The following TTC6 variants were observed in gnomAD, a reference collection of about 807,000 sequenced individuals.
The protein encoded by TTC6 is tetratricopeptide repeat protein 6.
Under a neutral mutation model 210.4 loss-of-function variants are expected in TTC6, and 172 were observed. The observed-to-expected ratio is 0.82, with a 90% CI of 0.72 to 0.93. The LOEUF is 0.93. Ranked by LOEUF, TTC6 falls within the 40% of genes least tolerant of loss-of-function variation. The pLI, the probability that TTC6 is intolerant of heterozygous loss-of-function variation, is 0.00. For missense variants in TTC6, 2,414 were observed against 2,318.1 expected, an observed-to-expected ratio of 1.04 and a Z score of -0.85; for synonymous variants, 804 against 819.6, an observed-to-expected ratio of 0.98 and a Z score of 0.32.
chr14:37,709,692 TAAAAAAA>T (rs10585657), intron 5 of TTC6, among the ~76,000 whole-genome samples: 1 of 126,464 alleles, frequency 7.9e-6, no homozygotes, highest in Non-Finnish European at 1.6e-5. Flanking sequence ...TCATGTTTTG[TAAAAAAA>T]AAAAAAAAAA....
chr14:37,786,648 G>T (rs569449953), intron 14 of TTC6, among the ~76,000 whole-genome samples: 2 of 152,150 alleles, frequency 1.3e-5, no homozygotes, highest in African/African-American at 4.8e-5. Flanking sequence ...CCAACTGTCC[G>T]ACAAGCCCCA....
intron 1 of TTC6, among the ~76,000 whole-genome samples, chr14:37,665,978 C>T (rs184276448): frequency 6.6e-6 from 1 of 150,532 alleles, no homozygotes; most frequent in African/African-American, 2.4e-5. Flanking sequence ...ACAGAGTTTA[C>T]CCTATGGGAG....
At chr14:37,616,652 G>T (rs4898664) in intron 2 of TTC6, among the ~76,000 whole-genome samples, 1 of 150,722 alleles carries the variant, frequency 6.6e-6, no homozygotes, top group South Asian at 2.1e-4. Flanking sequence ...AGCGAAGATC[G>T]CGCCACTGCA....
chr14:37,736,811 G>A (rs973645465), intron 8 of TTC6, among the ~76,000 whole-genome samples: 14 of 152,130 alleles, frequency 9.2e-5, no homozygotes, highest in African/African-American at 3.4e-4. Flanking sequence ...CTGGAGTACA[G>A]TGGTAAAATC....
At chr14:37,813,701 C>T (rs2096134984) in intron 25 of TTC6, among the ~76,000 whole-genome samples, 1 of 152,080 alleles carries the variant, frequency 6.6e-6, no homozygotes. Context: ...TGTCTTCTTT[C>T]AGGCAAAGCG....
chr14:37,751,579 C>A lies in TTC6; in HGVS notation c.3129+354C>A, dbSNP rs574503285. On this transcript the variant is annotated intron_variant, in intron 13 of 30. Coordinates refer to ENST00000553443, the Ensembl canonical transcript of TTC6. The stretch of plus-strand genomic sequence containing the variant: ...TTTAAACATTAAAGAAAAATATTTT[C>A]TACTTTTTAACTCTTGAATAGCTGA... Among the ~76,000 whole-genome samples the A allele has an allele frequency of 1.1e-4, 16 of 152,132 alleles. No homozygotes were observed. The East Asian group carries it at 2.9e-3, about 28-fold the overall frequency.
At chr14:37,767,960 C>T (rs1222111353) in intron 14 of TTC6, among the ~76,000 whole-genome samples, 1 of 146,578 alleles carries the variant, frequency 6.8e-6, no homozygotes, top group Non-Finnish European at 1.5e-5. Flanking sequence ...TTTAATCCAT[C>T]TTGAATTGAT....
chr14:37,661,286 C>G (rs1369158661), intron 1 of TTC6, among the ~76,000 whole-genome samples: 1 of 152,128 alleles, frequency 6.6e-6, no homozygotes, highest in Non-Finnish European at 1.5e-5. Flanking sequence ...AATGGTATTG[C>G]CTAGATTCTC....
intron 4 of TTC6, among the ~76,000 whole-genome samples, chr14:37,698,787 A>G (rs2095819465): frequency 6.6e-6 from 1 of 152,100 alleles, no homozygotes; most frequent in Non-Finnish European, 1.5e-5. Context: ...AATAGTAACA[A>G]CCTTAAAAAT....
At chr14:37,700,714 G>T (rs1331426547) in intron 4 of TTC6, among the ~76,000 whole-genome samples, 1 of 122,326 alleles carries the variant, frequency 8.2e-6, no homozygotes, top group Non-Finnish European at 1.6e-5. Flanking sequence ...CTGCATCCCA[G>T]CCTGAGACTG....
At position 37,792,388 on chromosome 14, in the gene TTC6, CT is replaced by C; in HGVS notation, c.3685del (p.Cys1229ValfsTer12). The C allele has an allele frequency of 6.6e-7, 1 of 1,515,560 alleles. No homozygotes were observed. Among genetic ancestry groups the C allele is most frequent in the Non-Finnish European group, 8.8e-7 (1 of 1,139,446 alleles). 93.9% of individuals were successfully genotyped at this position (1,515,560 alleles called of 1,614,324 possible). A position where few individuals can be genotyped will look rare whatever the true frequency, so the allele number is the denominator to read the frequency against. ...TGATCCTTTATGTATTCAAAGCTATCTTTGTCGGGCGGAAACCTATTTTAAG... is the reference window on the plus strand; with the variant it reads ...TGATCCTTTATGTATTCAAAGCTATCTTGTCGGGCGGAAACCTATTTTAAG... On this transcript the variant is annotated frameshift_variant, in exon 17 of 31. Transcript: ENST00000553443. LOFTEE classifies it high-confidence loss of function.
At chr14:37,623,191 TTC>T (rs1257062094) in intron 1 of TTC6, among the ~76,000 whole-genome samples, 188 bp downstream of exon 3, 1 of 152,218 alleles carries the variant, frequency 6.6e-6, no homozygotes, top group Non-Finnish European at 1.5e-5. Flanking sequence ...TTTTTGAATT[TTC>T]TGTCTTATCC....
chr14:37,778,309 G>T (rs1202419759), intron 14 of TTC6, among the ~76,000 whole-genome samples: 1 of 150,036 alleles, frequency 6.7e-6, no homozygotes, highest in Non-Finnish European at 1.5e-5. Flanking sequence ...TGGCCTTCAT[G>T]TGCGTGTTCT....
At chr14:37,766,205 T>C (rs1384445400) in intron 14 of TTC6, among the ~76,000 whole-genome samples, 1 of 152,214 alleles carries the variant, frequency 6.6e-6, no homozygotes, top group East Asian at 1.9e-4. Flanking sequence ...ATATGTTGGT[T>C]GTTTCTTTTT....
intron 26 of TTC6, among the ~76,000 whole-genome samples, chr14:37,819,040 T>C (rs2096149281): frequency 6.6e-6 from 1 of 152,170 alleles, no homozygotes; most frequent in African/African-American, 2.4e-5. Context: ...TCACTGGGTA[T>C]ATACAGGAGA....
At chr14:37,748,591 A>AT (rs34441786) in intron 10 of TTC6, among the ~76,000 whole-genome samples, 138,750 of 152,004 alleles carry the variant, frequency 0.91, 64,692 homozygotes, top group East Asian at 1. Context: ...CTTGCATGGC[A>AT]TTTTTTTCTC....
intron 1 of TTC6, among the ~76,000 whole-genome samples, chr14:37,639,747 G>A (rs1369651620): frequency 6.7e-6 from 1 of 149,444 alleles, no homozygotes; most frequent in Non-Finnish European, 1.5e-5. Flanking sequence ...TTAGCCAGGT[G>A]TGGTGGTGTG....
chr14:37,622,291 A>T (rs1332583104), exon 1 of TTC6: 2 of 1,534,636 alleles, frequency 1.3e-6, no homozygotes, highest in Non-Finnish European at 1.7e-6. Flanking sequence ...TCGAGAAGAT[A>T]CCCTTCGCTT....
intron 30 of TTC6, 40 bp from the exon 33 acceptor site, chr14:37,842,115 G>T: frequency 6.9e-7 from 1 of 1,441,990 alleles, no homozygotes. Context: ...TATTTTTTGA[G>T]TGCCAACTTA....
Sources: gnomAD v4.1 joint callset for allele counts (sites outside exome capture counted in the v4.1 genomes callset) on GRCh38, gnomAD v4.1.1 for gene constraint, MANE v1.5 for transcripts, NCBI Gene and HGNC (gene_info 2026-07-23, HGNC 2026-07-21) for gene names.